Variants in AFG2A observed in about 807,000 individuals in gnomAD.
The protein encoded by AFG2A is AAA ATPase AFG2A.
the AFG2A span, among the ~76,000 whole-genome samples, chr4:122,935,209 ATC>A: frequency 4.1e-4 from 63 of 152,202 alleles, no homozygotes; most frequent in African/African-American, 1.5e-3. Flanking sequence ...GCTGTGTCTG[ATC>A]TCTCTGCTTT....
chr4:122,940,259 G>T, the AFG2A span, among the ~76,000 whole-genome samples: 1 of 151,978 alleles, frequency 6.6e-6, no homozygotes, highest in Non-Finnish European at 1.5e-5. Flanking sequence ...CAGTGTAAAA[G>T]TGTTCCTATT....
At chr4:123,024,702 C>G in the AFG2A span, among the ~76,000 whole-genome samples, 1 of 152,204 alleles carries the variant, frequency 6.6e-6, no homozygotes, top group African/African-American at 2.4e-5. Context: ...TCTGGAACAT[C>G]ATCTTCTAGT....
At chr4:123,134,407 A>G in the AFG2A span, among the ~76,000 whole-genome samples, 1 of 152,106 alleles carries the variant, frequency 6.6e-6, no homozygotes, top group African/African-American at 2.4e-5. Flanking sequence ...AAATCAATTG[A>G]CTATAGACAT....
the AFG2A span, among the ~76,000 whole-genome samples, chr4:123,154,813 C>T: frequency 5.5e-4 from 84 of 152,174 alleles, 1 homozygote; most frequent in African/African-American, 2.0e-3. Context: ...AAATGTAACA[C>T]GTATTGTTAA....
chr4:122,945,597 C>T, the AFG2A span, among the ~76,000 whole-genome samples: 572 of 152,340 alleles, frequency 3.8e-3, 1 homozygote, highest in African/African-American at 0.012. Flanking sequence ...TTGCACTTCC[C>T]GAGTGAGGCA....
the AFG2A span, among the ~76,000 whole-genome samples, chr4:123,014,758 A>G: frequency 2.6e-5 from 4 of 152,092 alleles, no homozygotes; most frequent in Non-Finnish European, 5.9e-5. Context: ...TCCCATCTTA[A>G]TGTCTTTACT....
At chr4:122,980,163 CA>C in the AFG2A span, among the ~76,000 whole-genome samples, 32 of 152,150 alleles carry the variant, frequency 2.1e-4, no homozygotes, top group African/African-American at 7.5e-4. Flanking sequence ...ATTTTTATTT[CA>C]GAACCTTTAT....
the AFG2A span, among the ~76,000 whole-genome samples, chr4:122,981,076 A>G: frequency 6.6e-6 from 1 of 151,918 alleles, no homozygotes; most frequent in African/African-American, 2.4e-5. Flanking sequence ...ATTGCCCTGG[A>G]CCCATGCCAT....
At chr4:123,062,553 G>T in the AFG2A span, among the ~76,000 whole-genome samples, 1 of 151,900 alleles carries the variant, frequency 6.6e-6, no homozygotes, top group Non-Finnish European at 1.5e-5. Flanking sequence ...TACTATGTAA[G>T]ATATATATAG....
At chr4:123,154,319 A>G in the AFG2A span, among the ~76,000 whole-genome samples, 1 of 152,180 alleles carries the variant, frequency 6.6e-6, no homozygotes, top group Non-Finnish European at 1.5e-5. Flanking sequence ...ATCAAAGTAT[A>G]TACATGACAA....
At chr4:122,946,470 T>C in the AFG2A span, among the ~76,000 whole-genome samples, 11 of 152,370 alleles carry the variant, frequency 7.2e-5, no homozygotes, top group East Asian at 2.1e-3. Context: ...AGTCCATGCA[T>C]TGTCTGTTGG....
At chr4:123,112,619 G>A in the AFG2A span, among the ~76,000 whole-genome samples, 1 of 152,210 alleles carries the variant, frequency 6.6e-6, no homozygotes, top group East Asian at 1.9e-4. Flanking sequence ...CTGAATGGTT[G>A]GCTAAAAGTA....
the AFG2A span, among the ~76,000 whole-genome samples, chr4:123,141,837 A>C: frequency 6.6e-6 from 1 of 152,100 alleles, no homozygotes; most frequent in Non-Finnish European, 1.5e-5. Flanking sequence ...ATGATTTGCA[A>C]ACATTTTCTT....
chr4:122,933,485 C>G, the AFG2A span: 1 of 1,611,236 alleles, frequency 6.2e-7, no homozygotes, highest in Non-Finnish European at 8.5e-7. Context: ...TGGTTGTATC[C>G]TGAGAAAACT....
At chr4:122,934,578 A>C in the AFG2A span, 1 of 1,614,006 alleles carries the variant, frequency 6.2e-7, no homozygotes, top group East Asian at 2.2e-5. Flanking sequence ...TTTCTTCAAC[A>C]ACAAGAGTCA....
chr4:123,180,644 G>T, the AFG2A span, among the ~76,000 whole-genome samples: 1 of 152,106 alleles, frequency 6.6e-6, no homozygotes. Context: ...AAATTCCTGA[G>T]AATAGAGATG....
At chr4:123,065,102 A>G in the AFG2A span, among the ~76,000 whole-genome samples, 1 of 152,190 alleles carries the variant, frequency 6.6e-6, no homozygotes, top group East Asian at 1.9e-4. Context: ...GGTACCACAT[A>G]GCCCAGGATT....
chr4:123,240,955 C>T, the AFG2A span, among the ~76,000 whole-genome samples: 3 of 152,072 alleles, frequency 2.0e-5, no homozygotes, highest in Non-Finnish European at 4.4e-5. Context: ...GGGGATATCA[C>T]CACCGATCCC....
At chr4:123,232,673 C>T in the AFG2A span, among the ~76,000 whole-genome samples, 906 of 151,890 alleles carry the variant, frequency 6.0e-3, 12 homozygotes, top group African/African-American at 0.02. Flanking sequence ...ATGTGTTGAA[C>T]GAGGGTTTTT....
Sources: gnomAD v4.1 joint callset for allele counts (sites outside exome capture counted in the v4.1 genomes callset) on GRCh38, gnomAD v4.1.1 for gene constraint, MANE v1.5 for transcripts, NCBI Gene and HGNC (gene_info 2026-07-23, HGNC 2026-07-21) for gene names.